LAMB4: variants seen among roughly 807,000 people sequenced by gnomAD.
The protein encoded by LAMB4 is laminin subunit beta-4.
LAMB4 carries 196 observed loss-of-function variants against 199.2 expected under a neutral mutation model. That is an observed-to-expected ratio of 0.98 (90% CI 0.88 to 1.11). LAMB4 has a LOEUF of 1.11. LAMB4 is among the 50% of genes least tolerant of loss of function. The probability of loss-of-function intolerance (pLI) is 0.00; values close to 1 mark genes in which losing one functional copy is unlikely to be tolerated. For missense variants in LAMB4, 2,080 were observed against 2,171.2 expected, an observed-to-expected ratio of 0.96 and a Z score of 0.83; for synonymous variants, 744 against 770.6, an observed-to-expected ratio of 0.97 and a Z score of 0.57.
At chr7:108,102,829 A>G (rs1456572116) in intron 10 of LAMB4, among the ~76,000 whole-genome samples, 1 of 152,116 alleles carries the variant, frequency 6.6e-6, no homozygotes, top group Non-Finnish European at 1.5e-5. Context: ...ATCCTGCATA[A>G]TTTCCCAACT....
chr7:108,105,808 A>G lies in LAMB4; in HGVS notation c.870+9T>C, dbSNP rs420753. On this transcript the variant is annotated intron_variant, in intron 8 of 33. Coordinates refer to ENST00000388781, the MANE Select transcript of LAMB4 (RefSeq NM_007356.3). ...GACAGCCCACTGTTCTTTTGGATTA[A>G]TAACTCACCATTCCAGGAGGGCTGA... 0.41 allele frequency: 653,992 copies of G among 1,611,956 alleles called. 134,403 individuals carry two copies. Among genetic ancestry groups the G allele is most frequent in the Non-Finnish European group, 0.42 (494,232 of 1,178,276 alleles).
At chr7:108,099,819 G>A (rs1048420150) in intron 10 of LAMB4, among the ~76,000 whole-genome samples, 3 of 152,066 alleles carry the variant, frequency 2.0e-5, no homozygotes, top group South Asian at 2.1e-4. Flanking sequence ...CAGTTGTTTC[G>A]CATTATTGAA....
chr7:108,123,242 A>G, intron 1 of LAMB4, 45 bp from the exon 2 acceptor site: 1 of 1,182,496 alleles, frequency 8.5e-7, no homozygotes, highest in African/African-American at 1.5e-5. Flanking sequence ...AGAAGAAATA[A>G]TTGCCATCAT....
chr7:108,116,267 G>T, intron 2 of LAMB4, 106 bp from the exon 3 acceptor site: 1 of 1,082,116 alleles, frequency 9.2e-7, no homozygotes, highest in Non-Finnish European at 1.3e-6. Flanking sequence ...TTTAATATTG[G>T]CCAAAGATGT....
chr7:108,021,794 A>C, downstream of LAMB4, among the ~76,000 whole-genome samples: 1 of 152,288 alleles, frequency 6.6e-6, no homozygotes, highest in East Asian at 1.9e-4. Context: ...GATTACATTT[A>C]ATAGAAATTT....
At chr7:108,027,801 G>A (rs2034888130) in intron 33 of LAMB4, among the ~76,000 whole-genome samples, 1 of 152,170 alleles carries the variant, frequency 6.6e-6, no homozygotes, top group Non-Finnish European at 1.5e-5. Context: ...TTTTGTTTTT[G>A]AGACAGAGTC....
chr7:108,109,366 C>T, intron 4 of LAMB4, 122 bp from the exon 5 acceptor site: 1 of 725,472 alleles, frequency 1.4e-6, no homozygotes, highest in Non-Finnish European at 2.4e-6. Context: ...CTGACGATCA[C>T]TCTTCCCAGT....
intron 5 of LAMB4, among the ~76,000 whole-genome samples, 194 bp downstream of exon 5, chr7:108,108,964 TTAAAAAAATCATA>T (rs1301188851): frequency 6.6e-6 from 1 of 152,190 alleles, no homozygotes; most frequent in Non-Finnish European, 1.5e-5. Flanking sequence ...TTCTAATTTT[TTAAAAAAATCATA>T]TAGTCATGGT....
At chr7:108,022,216 C>T (rs2034708705), downstream of LAMB4, among the ~76,000 whole-genome samples, 1 of 152,236 alleles carries the variant, frequency 6.6e-6, no homozygotes, top group Non-Finnish European at 1.5e-5. Context: ...TAATAAGCTA[C>T]TGCTGGTTTT....
intron 31 of LAMB4, 35 bp downstream of exon 31, chr7:108,034,173 A>C (rs777238295): frequency 4.5e-5 from 73 of 1,609,486 alleles, no homozygotes; most frequent in Non-Finnish European, 5.9e-5. Context: ...TACCCTCAAA[A>C]CCTATTTCAG....
chr7:108,013,869 T>A, the LAMB4 span, among the ~76,000 whole-genome samples: 7 of 152,308 alleles, frequency 4.6e-5, no homozygotes, highest in Middle Eastern at 3.4e-3. Flanking sequence ...ACCAAACAGT[T>A]ACTTACAAAG....
chr7:108,035,884 G>C (rs1395401964), intron 30 of LAMB4, among the ~76,000 whole-genome samples: 1 of 146,180 alleles, frequency 6.8e-6, no homozygotes, highest in Non-Finnish European at 1.5e-5. Context: ...ATGGTGTCTC[G>C]CTCTTGTTGC....
rs2036031897 is a variant in LAMB4, at chr7:108,057,827, C to T, written c.3379+5G>A. 4.4e-6 allele frequency: 7 copies of T among 1,595,592 alleles called. No individual in the cohort carries two copies. Among genetic ancestry groups the T allele is most frequent in the Admixed American group, 3.3e-5 (2 of 59,970 alleles). ...GCATGAGTTTTTAGAAATCCCAATACTTACGAATGCATCGCCCAGGTGGAT... is the reference window on the plus strand; with the variant it reads ...GCATGAGTTTTTAGAAATCCCAATATTTACGAATGCATCGCCCAGGTGGAT... On this transcript the variant is annotated splice_donor_5th_base_variant and intron_variant, in intron 24 of 33. Coordinates refer to ENST00000388781, the MANE Select transcript of LAMB4 (RefSeq NM_007356.3).
intron 3 of LAMB4, among the ~76,000 whole-genome samples, chr7:108,115,744 A>T (rs2038380572): frequency 6.6e-6 from 1 of 152,254 alleles, no homozygotes; most frequent in African/African-American, 2.4e-5. Flanking sequence ...TATTTAAAGT[A>T]CATGGGAGGA....
chr7:108,022,014 CAGAG>C (rs10546188), downstream of LAMB4, among the ~76,000 whole-genome samples: 30,615 of 151,902 alleles, frequency 0.2, 7,176 homozygotes, highest in African/African-American at 0.58. Context: ...TGATACAAGA[CAGAG>C]AGACAGCTGC....
At chr7:108,077,662 C>T (rs1198340344) in intron 16 of LAMB4, among the ~76,000 whole-genome samples, 2 of 152,004 alleles carry the variant, frequency 1.3e-5, no homozygotes, top group African/African-American at 4.8e-5. Context: ...CCATTGCACT[C>T]TAGCCTGGGC....
chr7:108,121,665 G>A (rs1422320593), intron 2 of LAMB4, among the ~76,000 whole-genome samples: 1 of 151,720 alleles, frequency 6.6e-6, no homozygotes, highest in Admixed American at 6.6e-5. Context: ...CAGGAGAATT[G>A]CTTGAACCCA....
Position 108,029,197 on chromosome 7 carries a change from C to T in LAMB4, c.4993-1G>A, listed in dbSNP as rs757168767. 70 of 1,610,798 alleles carry T rather than the reference C, an allele frequency of 4.3e-5. No homozygotes were observed. Among genetic ancestry groups the T allele is most frequent in the Non-Finnish European group, 5.9e-5 (70 of 1,179,022 alleles). ...ATTGTTTTTTCAGCTCAACAAATTC[C>T]TGTAACAAGCAACACTTGCATCATG... On this transcript the variant is annotated splice_acceptor_variant, in intron 32 of 33. Coordinates refer to ENST00000388781, the MANE Select transcript of LAMB4 (RefSeq NM_007356.3). LOFTEE classifies it high-confidence loss of function.
Position 108,065,919 on chromosome 7 carries a change from C to A in LAMB4, c.2679G>T (p.Arg893Ser). ...GATTTCCATAGTAACCATCAATACA[C>A]CTGTCAAGACAATTTCCTTTCACCA... is the stretch of plus-strand genomic sequence containing the variant. ...GGFTTGRNCE[R>S]CIDGYYGNPS... Residue 893 changes from arginine to serine, a missense_variant and splice_region_variant, in exon 21 of 34, where the codon AGG becomes AGT. Transcript: ENST00000388781. The A allele has an allele frequency of 3.7e-6, 6 of 1,609,014 alleles. No individual in the cohort carries two copies. The highest frequency in any genetic ancestry group is 1.7e-4 in the Middle Eastern group (1 of 6,032).
Sources: allele counts gnomAD v4.1 joint callset (sites outside exome capture counted in the v4.1 genomes callset), GRCh38; gene constraint gnomAD v4.1.1; transcripts MANE v1.5; gene names NCBI Gene and HGNC (gene_info 2026-07-23, HGNC 2026-07-21).